B3GLCT: variants seen among roughly 807,000 people sequenced by gnomAD.
B3GLCT encodes the protein beta 3-glucosyltransferase.
In B3GLCT, 65 loss-of-function variants were observed where a neutral mutation model predicts 63.4. The observed-to-expected ratio is 1.03, with a 90% CI of 0.84 to 1.26. B3GLCT has a LOEUF of 1.26. B3GLCT is among the 50% of genes most tolerant of loss of function. The pLI, the probability that B3GLCT is intolerant of heterozygous loss-of-function variation, is 0.00. For synonymous variants in B3GLCT, 233 were observed against 219.2 expected (o/e 1.06, Z -0.55); for missense variants, 577 against 604.8 (o/e 0.95, Z 0.48).
At position 31,301,668 on chromosome 13, in the gene B3GLCT, C is replaced by T. The variant is rs115074957; in HGVS notation, c.1064+14849C>T. 5.5e-3 allele frequency among the ~76,000 whole-genome samples: 835 copies of T among 152,328 alleles called. 12 individuals are homozygous for T. The highest frequency in any genetic ancestry group is 0.019 in the African/African-American group (802 of 41,578). ...GAGTCCCACCAGGAGACCCTGGCCT[C>T]TCTCTTAATTGTTACCTTGATTAAC... On this transcript the variant is annotated intron_variant, in intron 12 of 14. Transcript: ENST00000343307.
chr13:31,279,815 G>A (rs1373517676), intron 10 of B3GLCT, among the ~76,000 whole-genome samples: 1 of 152,118 alleles, frequency 6.6e-6, no homozygotes, highest in African/African-American at 2.4e-5. Flanking sequence ...CCTTATCAAC[G>A]ACCATAAAAG....
At chr13:31,268,881 T>C (rs1329458599) in intron 7 of B3GLCT, among the ~76,000 whole-genome samples, 4 of 152,254 alleles carry the variant, frequency 2.6e-5, no homozygotes, top group Non-Finnish European at 5.9e-5. Flanking sequence ...TTTCCCTCTT[T>C]CTTTTTTCTT....
intron 4 of B3GLCT, among the ~76,000 whole-genome samples, chr13:31,244,866 C>A (rs1871124009): frequency 6.6e-6 from 1 of 152,040 alleles, no homozygotes; most frequent in African/African-American, 2.4e-5. Context: ...AAGAGTTAAT[C>A]AAGAGCAGGT....
At chr13:31,312,479 A>C (rs1874764402) in intron 12 of B3GLCT, 1 of 152,254 alleles carries the variant, frequency 6.6e-6, no homozygotes, top group Non-Finnish European at 1.5e-5. Flanking sequence ...TAGAGTAAAA[A>C]TAGAAAGCCC....
chr13:31,227,904 C>T (rs766305566), intron 3 of B3GLCT, among the ~76,000 whole-genome samples: 15 of 152,378 alleles, frequency 9.8e-5, no homozygotes, highest in South Asian at 2.1e-4. Context: ...GCACCTTCCT[C>T]TGCCGACATT....
intron 6 of B3GLCT, among the ~76,000 whole-genome samples, chr13:31,255,919 G>T (rs1377454375): frequency 2.6e-5 from 4 of 152,162 alleles, no homozygotes; most frequent in Non-Finnish European, 5.9e-5. Flanking sequence ...GAAAGCAATG[G>T]CAACAAAAGC....
chr13:31,237,103 G>A (rs1453711099), intron 4 of B3GLCT, among the ~76,000 whole-genome samples: 4 of 146,366 alleles, frequency 2.7e-5, no homozygotes, highest in Non-Finnish European at 6.0e-5. Flanking sequence ...TCCGGCCTGG[G>A]CAACAGAGCG....
intron 10 of B3GLCT, among the ~76,000 whole-genome samples, chr13:31,280,587 A>G (rs1873024994): frequency 6.6e-6 from 1 of 152,210 alleles, no homozygotes; most frequent in African/African-American, 2.4e-5. Context: ...GGAGAGATGG[A>G]ACATGTTCTG....
At chr13:31,329,116 A>G (rs7334883) in intron 14 of B3GLCT, among the ~76,000 whole-genome samples, 15 of 152,116 alleles carry the variant, frequency 9.9e-5, no homozygotes, top group African/African-American at 3.6e-4. Flanking sequence ...CCCCACAACA[A>G]ACTTACGGCC....
chr13:31,207,943 T>A (rs909440750), intron 1 of B3GLCT, among the ~76,000 whole-genome samples: 1 of 152,240 alleles, frequency 6.6e-6, no homozygotes, highest in Non-Finnish European at 1.5e-5. Context: ...AGGTACTGTT[T>A]TGAACCTGAA....
At position 31,329,501 on chromosome 13, in the gene B3GLCT, G is replaced by A; in HGVS notation, c.1330G>A (p.Ala444Thr). The A allele has an allele frequency of 6.2e-7, 1 of 1,614,086 alleles. No homozygotes were observed. The highest frequency in any genetic ancestry group is 8.5e-7 in the Non-Finnish European group (1 of 1,180,024). ...PVTHSPLFHQ[A>T]RPVDYPKDYL... ...GCCTAACTCTCTATTTTTCCTGCAG[G>A]CTCGGCCGGTGGATTACCCTAAGGA... The change falls in exon 15 of 15, where the codon GCT becomes ACT. Residue 444 changes from alanine (A) to threonine (T), a missense_variant and splice_region_variant. Transcript: ENST00000343307.
At chr13:31,317,741 AC>A in intron 13 of B3GLCT, 56 bp downstream of exon 13, 1 of 1,609,202 alleles carries the variant, frequency 6.2e-7, no homozygotes, top group Non-Finnish European at 8.5e-7. Context: ...CCCTTTCCAC[AC>A]GAGAGGTAGG....
intron 12 of B3GLCT, among the ~76,000 whole-genome samples, chr13:31,295,067 G>A (rs1873864878): frequency 6.6e-6 from 1 of 152,018 alleles, no homozygotes; most frequent in African/African-American, 2.4e-5. Flanking sequence ...TAACAGTCAG[G>A]CCTCTCTACT....
Position 31,249,918 on chromosome 13 carries a change from T to A in B3GLCT, c.459+1952T>A, listed in dbSNP as rs191078492. 1.7e-4 allele frequency among the ~76,000 whole-genome samples: 26 copies of A among 152,342 alleles called. No individual in the cohort carries two copies. In the East Asian group the frequency reaches 5.0e-3, roughly 29 times the overall value. On this transcript the variant is annotated intron_variant, in intron 6 of 14. Transcript: ENST00000343307. The stretch of plus-strand genomic sequence containing the variant: ...TGAGTACATTAAAATAATTATGTAA[T>A]GTGTGAGGGTATAAGGTATTTTGTT...
intron 12 of B3GLCT, among the ~76,000 whole-genome samples, chr13:31,287,811 A>C (rs1215253015): frequency 9.2e-5 from 14 of 152,216 alleles, no homozygotes; most frequent in African/African-American, 3.4e-4. Flanking sequence ...GTCTTAAATA[A>C]GTTTAAATCA....
In B3GLCT at chr13:31,331,011, A is replaced by G. The variant is rs1460778035; in HGVS notation, c.*1343A>G. 6.6e-6 allele frequency: 1 copy of G among 152,182 alleles called. No individual in the cohort carries two copies. Among genetic ancestry groups the G allele is most frequent in the Non-Finnish European group, 1.5e-5 (1 of 68,022 alleles). 9.4% of individuals were successfully genotyped at this position (152,182 alleles called of 1,614,324 possible). A position where few individuals can be genotyped will look rare whatever the true frequency, so the allele number is the denominator to read the frequency against. On this transcript the variant is annotated 3_prime_UTR_variant, in exon 15 of 15. Coordinates refer to ENST00000343307, the MANE Select transcript of B3GLCT (RefSeq NM_194318.4). ...TATTTACCATTTTTCCAAATTAGCA[A>G]CTACCAGACCTCACGTGTTGCAGTG...
intron 6 of B3GLCT, among the ~76,000 whole-genome samples, chr13:31,260,156 CTT>C (rs1031982808): frequency 6.6e-6 from 1 of 152,194 alleles, no homozygotes; most frequent in Admixed American, 6.5e-5. Context: ...CTGTATCAAA[CTT>C]TTTCCCACCT....
chr13:31,252,270 A>G (rs1411783235), intron 6 of B3GLCT, among the ~76,000 whole-genome samples: 1 of 152,192 alleles, frequency 6.6e-6, no homozygotes, highest in Non-Finnish European at 1.5e-5. Flanking sequence ...AAACATACCA[A>G]ATTGTAAAGA....
chr13:31,212,576 T>C (rs1489830675), intron 1 of B3GLCT, among the ~76,000 whole-genome samples: 4 of 152,058 alleles, frequency 2.6e-5, no homozygotes, highest in Admixed American at 2.6e-4. Context: ...TCCGGCCGCA[T>C]GTCTGGCTAA....
Sources: allele counts gnomAD v4.1 joint callset (sites outside exome capture counted in the v4.1 genomes callset), GRCh38; gene constraint gnomAD v4.1.1; transcripts MANE v1.5; gene names NCBI Gene and HGNC (gene_info 2026-07-23, HGNC 2026-07-21).